WDR35: variants seen among roughly 807,000 people sequenced by gnomAD.
The protein encoded by WDR35 is WD repeat-containing protein 35.
Under a neutral mutation model 158.3 loss-of-function variants are expected in WDR35, and 118 were observed. The observed-to-expected ratio is 0.75, with a 90% CI of 0.64 to 0.87. WDR35 has a LOEUF of 0.87. Among genes scored for constraint, WDR35 ranks in the 40% least tolerant of loss-of-function variants. The pLI is 0.00. For synonymous variants in WDR35, 448 were observed against 476.1 expected (o/e 0.94, Z 0.77); for missense variants, 1,263 against 1,405.8 (o/e 0.90, Z 1.62).
Position 19,932,268 on chromosome 2 carries a change from A to T in WDR35, c.2823+15T>A, listed in dbSNP as rs1298940958. The T allele has an allele frequency of 6.2e-7, 1 of 1,612,962 alleles. No homozygotes were observed. The highest frequency in any genetic ancestry group is 1.7e-5 in the Admixed American group (1 of 59,982). On this transcript the variant is annotated intron_variant, in intron 23 of 26. Coordinates refer to ENST00000281405, the MANE Select transcript of WDR35 (RefSeq NM_020779.4). ...ACTGGAACAAATCAACTATTCACCAAGATTTTTACATTACCTTAAACATCA... is the reference window on the plus strand; with the variant it reads ...ACTGGAACAAATCAACTATTCACCATGATTTTTACATTACCTTAAACATCA...
chr2:19,945,931 T>C lies in WDR35; in HGVS notation c.1700A>G (p.Asp567Gly). Reference sequence around the variant, plus strand: ...TCCAACTACTTGCTGTCCCGTACTGTCCGTTACTCGAGCATCCAAGTCAAA... The same window carrying C: ...TCCAACTACTTGCTGTCCCGTACTGCCCGTTACTCGAGCATCCAAGTCAAA... ...TFFDLDARVT[D>G]STGQQVVGEL... The change falls in exon 16 of 27, where the codon GAC (aspartate) becomes GGC (glycine). Residue 567 changes from aspartate to glycine, a missense_variant. By Grantham distance (94) the Asp-to-Gly change is moderately conservative (BLOSUM62 -1). Transcript: ENST00000281405. The C allele has an allele frequency of 1.2e-6, 2 of 1,613,970 alleles. No homozygotes were observed. The highest frequency in any genetic ancestry group is 1.7e-6 in the Non-Finnish European group (2 of 1,179,880).
rs1179793566 is a variant in WDR35, at chr2:19,930,472, C to T, written c.3045G>A (p.Gly1015=). ...TDRFTDNAWR[G]AEAYHFFILA... ...GTATAAAGAAGTGGTAAGCCTCTGCCCCTCTCCATGCATTATCTGTGAAAC... is the reference window on the plus strand; with the variant it reads ...GTATAAAGAAGTGGTAAGCCTCTGCTCCTCTCCATGCATTATCTGTGAAAC... The change falls in exon 25 of 27, where the codon GGG becomes GGA. Residue 1015 remains glycine (G), a synonymous_variant. Transcript: ENST00000281405. 1 of 1,614,052 alleles carries T rather than the reference C, an allele frequency of 6.2e-7. No individual in the cohort carries two copies. The highest frequency in any genetic ancestry group is 1.7e-5 in the Admixed American group (1 of 60,006).
chr2:19,975,953 A>G (rs937724732), intron 5 of WDR35, among the ~76,000 whole-genome samples: 1 of 152,206 alleles, frequency 6.6e-6, no homozygotes, highest in African/African-American at 2.4e-5. Context: ...AAGCACCCAA[A>G]AAACAAATTC....
chr2:19,953,891 T>C lies in WDR35; in HGVS notation c.1343A>G (p.Lys448Arg). The C allele has an allele frequency of 6.2e-7, 1 of 1,614,164 alleles. No homozygotes were observed. The highest frequency in any genetic ancestry group is 8.5e-7 in the Non-Finnish European group (1 of 1,180,016). The change falls in exon 12 of 27, where the codon AAG (lysine) becomes AGG (arginine). Residue 448 changes from lysine to arginine, a missense_variant. Lys to Arg is a conservative substitution (Grantham distance 26). Coordinates refer to ENST00000281405, the MANE Select transcript of WDR35 (RefSeq NM_020779.4). Reference protein sequence around the residue: ...FYTWQYRVAKKLTALEINQIT... With the variant: ...FYTWQYRVAKRLTALEINQIT... ...CTGATTAATTTCCAATGCTGTGAGC[T>C]TCTTTGCCACACGATATTGCCAGGT...
At chr2:19,923,599 A>G (rs1269688650) in intron 25 of WDR35, among the ~76,000 whole-genome samples, 1 of 152,186 alleles carries the variant, frequency 6.6e-6, no homozygotes, top group Non-Finnish European at 1.5e-5. Context: ...ATTTTGAAGA[A>G]AATGACCCTC....
Position 19,978,312 on chromosome 2 carries a change from G to A in WDR35, c.436+439C>T, listed in dbSNP as rs537424033. ...AAAACAAAGGTGCAGACTCTCAGAA[G>A]ACCCAGTTTTATCTATTACTAGAAT... On this transcript the variant is annotated intron_variant, in intron 5 of 26. Coordinates refer to ENST00000281405, the MANE Select transcript of WDR35 (RefSeq NM_020779.4). 3.9e-5 allele frequency among the ~76,000 whole-genome samples: 6 copies of A among 152,116 alleles called. No homozygotes were observed. The South Asian group carries it at 1.2e-3, about 32-fold the overall frequency.
intron 25 of WDR35, among the ~76,000 whole-genome samples, chr2:19,919,380 C>CAAAAAAAAAA (rs1302042752): frequency 4.8e-4 from 23 of 48,062 alleles, no homozygotes; most frequent in Non-Finnish European, 8.2e-4. Context: ...GGCTCCATCT[C>CAAAAAAAAAA]AAAAAAAAAA....
intron 17 of WDR35, among the ~76,000 whole-genome samples, chr2:19,940,077 G>T (rs1163341356): frequency 6.6e-6 from 1 of 151,360 alleles, no homozygotes; most frequent in African/African-American, 2.4e-5. Flanking sequence ...TTCTGGCTGG[G>T]CATGGTGGCT....
At chr2:19,978,078 A>T (rs1672266694) in intron 5 of WDR35, among the ~76,000 whole-genome samples, 1 of 152,036 alleles carries the variant, frequency 6.6e-6, no homozygotes, top group Admixed American at 6.6e-5. Context: ...TTACTCATCC[A>T]TCTCTCCTGA....
intron 26 of WDR35, 134 bp from the exon 27 acceptor site, chr2:19,913,842 A>G (rs1669908717): frequency 7.0e-7 from 1 of 1,435,316 alleles, no homozygotes; most frequent in African/African-American, 1.4e-5. Context: ...TAAAAAAGTT[A>G]TTTCAAGAAA....
chr2:19,913,505 G>A lies in WDR35; in HGVS notation c.*53C>T. On this transcript the variant is annotated 3_prime_UTR_variant, in exon 27 of 27. Coordinates refer to ENST00000281405, the MANE Select transcript of WDR35 (RefSeq NM_020779.4). ...AACCTTATTACATATACAGCATATA[G>A]CCATGTATATATGCTACATATATTT... 18 of 1,570,096 alleles carry A rather than the reference G, an allele frequency of 1.1e-5. No homozygotes were observed. Among genetic ancestry groups the A allele is most frequent in the Non-Finnish European group, 1.6e-5 (18 of 1,140,152 alleles).
intron 10 of WDR35, among the ~76,000 whole-genome samples, chr2:19,966,155 G>A (rs927096013): frequency 6.6e-6 from 1 of 152,114 alleles, no homozygotes; most frequent in Admixed American, 6.5e-5. Context: ...TTTTAATGGG[G>A]TAAAATAATT....
Position 19,913,614 on chromosome 2 carries a change from C to T in WDR35, c.3457G>A (p.Ala1153Thr). ...MCSVCKHGVL[A>T]QEISHYSFCP... ...AAGCTGTAGTGGCTTATTTCCTGAG[C>T]AAGGACACCGTGTTTGCATACACTG... The change falls in exon 27 of 27, where the codon GCT (alanine) becomes ACT (threonine). Residue 1153 changes from alanine (A) to threonine (T), a missense_variant. By Grantham distance (58) the Ala-to-Thr change is moderately conservative. Coordinates refer to ENST00000281405, the MANE Select transcript of WDR35 (RefSeq NM_020779.4). 4.3e-6 allele frequency: 7 copies of T among 1,614,070 alleles called. No homozygotes were observed. The highest frequency in any genetic ancestry group is 5.9e-6 in the Non-Finnish European group (7 of 1,179,990).
intron 9 of WDR35, among the ~76,000 whole-genome samples, chr2:19,968,890 G>A (rs937671570): frequency 3.9e-5 from 6 of 152,110 alleles, no homozygotes; most frequent in South Asian, 2.1e-4. Flanking sequence ...CTACCCTGCC[G>A]TGAGCCTTGG....
intron 13 of WDR35, among the ~76,000 whole-genome samples, chr2:19,949,371 T>C (rs1388166655): frequency 6.6e-6 from 1 of 152,152 alleles, no homozygotes; most frequent in Non-Finnish European, 1.5e-5. Context: ...GGAGGAACTA[T>C]ATGTAACATG....
chr2:19,967,894 A>C (rs565723538), intron 9 of WDR35, among the ~76,000 whole-genome samples: 1 of 152,302 alleles, frequency 6.6e-6, no homozygotes, highest in East Asian at 1.9e-4. Flanking sequence ...TTAAGTAAAC[A>C]TCATACTTTA....
intron 2 of WDR35, among the ~76,000 whole-genome samples, chr2:19,988,442 T>C (rs1029548647): frequency 1.3e-5 from 2 of 152,184 alleles, no homozygotes; most frequent in Non-Finnish European, 2.9e-5. Context: ...GTGATTCTTA[T>C]ACCTAATACA....
chr2:19,923,391 C>G (rs182005643), intron 25 of WDR35, among the ~76,000 whole-genome samples: 1 of 152,098 alleles, frequency 6.6e-6, no homozygotes, highest in Non-Finnish European at 1.5e-5. Flanking sequence ...AAGGGGAGCT[C>G]GGAAGCATCA....
intron 2 of WDR35, among the ~76,000 whole-genome samples, chr2:19,986,382 T>C (rs1672566209): frequency 6.6e-6 from 1 of 151,974 alleles, no homozygotes; most frequent in African/African-American, 2.4e-5. Context: ...AAAGAATAAA[T>C]AGAGCAAGTG....
Sources: gnomAD v4.1 joint callset for allele counts (sites outside exome capture counted in the v4.1 genomes callset) on GRCh38, gnomAD v4.1.1 for gene constraint, MANE v1.5 for transcripts, NCBI Gene and HGNC (gene_info 2026-07-23, HGNC 2026-07-21) for gene names.